Variants in CASP6 observed in about 807,000 individuals in gnomAD.
CASP6 encodes caspase-6.
CASP6 carries 20 observed loss-of-function variants against 31.8 expected under a neutral mutation model. That is an observed-to-expected ratio of 0.63 (90% confidence interval 0.44 to 0.91). The LOEUF (loss-of-function observed/expected upper bound fraction) is 0.91. CASP6 is among the 40% of genes least tolerant of loss of function. The pLI, the probability that CASP6 is intolerant of heterozygous loss-of-function variation, is 0.00. For missense variants in CASP6, 328 were observed against 361.1 expected (o/e 0.91, Z 0.74); for synonymous variants, 130 against 127.8 (o/e 1.02, Z -0.12).
the CASP6 span, among the ~76,000 whole-genome samples, chr4:109,665,592 A>G: frequency 6.6e-6 from 1 of 152,238 alleles, no homozygotes; most frequent in Non-Finnish European, 1.5e-5. Context: ...TTAAATCTCT[A>G]GATTACTTAC....
the CASP6 span, among the ~76,000 whole-genome samples, chr4:109,679,836 G>C: frequency 0.67 from 101,969 of 151,504 alleles, 34,527 homozygotes; most frequent in South Asian, 0.74. Context: ...GAGTCTCTCT[G>C]TGTCACCCAG....
intron 6 of CASP6, among the ~76,000 whole-genome samples, chr4:109,690,415 G>C (rs189900435): frequency 3.1e-4 from 47 of 151,942 alleles, no homozygotes; most frequent in African/African-American, 1.1e-3. Context: ...CCCAGCTACA[G>C]GGGGGCTGAG....
the CASP6 span, among the ~76,000 whole-genome samples, chr4:109,670,269 C>T: frequency 9.2e-5 from 14 of 152,168 alleles, no homozygotes; most frequent in African/African-American, 3.1e-4. Context: ...CTTCTCAGCC[C>T]TTCCCCCACC....
chr4:109,682,090 C>G, the CASP6 span, among the ~76,000 whole-genome samples: 1 of 152,118 alleles, frequency 6.6e-6, no homozygotes, highest in African/African-American at 2.4e-5. Flanking sequence ...TGGGTGTGAG[C>G]CAAGTTGCAA....
Position 109,703,342 on chromosome 4 carries a change from C to T in CASP6, c.40+14G>A. 1.2e-6 allele frequency: 2 copies of T among 1,606,320 alleles called. No homozygotes were observed. Among genetic ancestry groups the T allele is most frequent in the Non-Finnish European group, 1.7e-6 (2 of 1,176,880 alleles). On this transcript the variant is annotated intron_variant, in intron 1 of 6. Coordinates refer to ENST00000265164, the MANE Select transcript of CASP6 (RefSeq NM_001226.4). ...GCAGACCTGCTCGGTGCCCAGTCGA[C>T]GCCCCCTGCCTACCTGCCGGGTGCC... is the stretch of plus-strand genomic sequence containing the variant.
At chr4:109,706,215 T>C (rs1730617446), upstream of CASP6, among the ~76,000 whole-genome samples, 1 of 140,098 alleles carries the variant, frequency 7.1e-6, no homozygotes, top group Non-Finnish European at 1.5e-5. Flanking sequence ...CATAGGTATA[T>C]GCATATATCT....
At chr4:109,692,522 G>A (rs921173287) in intron 5 of CASP6, 3 of 152,200 alleles carry the variant, frequency 2.0e-5, no homozygotes, top group African/African-American at 7.2e-5. Flanking sequence ...GTTTGACAGT[G>A]TTGGCCACTC....
upstream of CASP6, among the ~76,000 whole-genome samples, chr4:109,706,833 G>T (rs1260628428): frequency 6.6e-6 from 1 of 152,208 alleles, no homozygotes; most frequent in African/African-American, 2.4e-5. Context: ...ACTTGAACCA[G>T]GAGGCAGAGG....
intron 1 of CASP6, among the ~76,000 whole-genome samples, chr4:109,700,137 A>G (rs1441325585): frequency 1.3e-5 from 2 of 152,150 alleles, no homozygotes; most frequent in Non-Finnish European, 2.9e-5. Flanking sequence ...AAACTAACTC[A>G]TATCCCTCAG....
At chr4:109,670,830 TGTATCTA>T in the CASP6 span, among the ~76,000 whole-genome samples, 1 of 152,058 alleles carries the variant, frequency 6.6e-6, no homozygotes, top group African/African-American at 2.4e-5. Flanking sequence ...CAGTTTTCAC[TGTATCTA>T]GTAGAGCTCC....
At chr4:109,684,309 A>G (rs574149768), downstream of CASP6, 835 of 599,342 alleles carry the variant, frequency 1.4e-3, 14 homozygotes, top group East Asian at 0.024. Context: ...TGATCCGCCC[A>G]CCTCGGCCTC....
At chr4:109,687,723 T>G (rs571077796), downstream of CASP6, 45 of 642,416 alleles carry the variant, frequency 7.0e-5, no homozygotes, top group African/African-American at 7.9e-4. Context: ...AGAAGTATTG[T>G]TTGAAGTTCT....
At chr4:109,697,807 T>C (rs1350755411) in intron 2 of CASP6, 39 bp from the exon 3 acceptor site, 1 of 1,596,556 alleles carries the variant, frequency 6.3e-7, no homozygotes, top group Non-Finnish European at 8.5e-7. Context: ...CTTCAAGTCA[T>C]ATTAAATAAT....
At chr4:109,703,097 C>T (rs1730476307) in intron 1 of CASP6, among the ~76,000 whole-genome samples, 1 of 152,190 alleles carries the variant, frequency 6.6e-6, no homozygotes, top group Admixed American at 6.5e-5. Flanking sequence ...GGGCACGCCC[C>T]GGCGCCGGCG....
downstream of CASP6, chr4:109,685,465 G>A (rs777026021): frequency 3.6e-5 from 21 of 585,842 alleles, no homozygotes; most frequent in Non-Finnish European, 5.3e-5. Context: ...ATTAAATCTT[G>A]GTCCTAGATT....
intron 5 of CASP6, 53 bp from the exon 6 acceptor site, chr4:109,691,062 T>C (rs1730040692): frequency 1.9e-6 from 3 of 1,550,770 alleles, no homozygotes; most frequent in African/African-American, 1.4e-5. Context: ...TCCTTCCCAG[T>C]GCTTAATGTG....
At chr4:109,685,009 T>A, downstream of CASP6, 1 of 403,910 alleles carries the variant, frequency 2.5e-6, no homozygotes. Context: ...ATTTCTTCCT[T>A]CTTCTTTCCC....
At chr4:109,698,159 C>T (rs551955795) in intron 2 of CASP6, 141 bp downstream of exon 2, 19 of 827,128 alleles carry the variant, frequency 2.3e-5, no homozygotes, top group Non-Finnish European at 3.4e-5. Flanking sequence ...TGCCTATCTA[C>T]AAATGAGCTC....
chr4:109,687,350 C>T (rs1411779868), downstream of CASP6, among the ~76,000 whole-genome samples: 1 of 152,040 alleles, frequency 6.6e-6, no homozygotes, highest in Non-Finnish European at 1.5e-5. Flanking sequence ...CAGAATGAAA[C>T]CCCATCTCAA....
Sources: allele counts gnomAD v4.1 joint callset (sites outside exome capture counted in the v4.1 genomes callset), GRCh38; gene constraint gnomAD v4.1.1; transcripts MANE v1.5; gene names NCBI Gene and HGNC (gene_info 2026-07-23, HGNC 2026-07-21).